Variants in BCS1L observed in about 807,000 individuals in gnomAD.
The protein encoded by BCS1L is BCS1 ubiquinol-cytochrome c reductase complex chaperone, also known as mitochondrial chaperone BCS1.
BCS1L carries 38 observed loss-of-function variants against 49.3 expected under a neutral mutation model. The ratio of observed to expected loss-of-function variants is 0.77; its 90% CI spans 0.59 to 1.01. The LOEUF is 1.01. BCS1L is among the 50% of genes least tolerant of loss of function. The pLI is 0.00. For synonymous variants in BCS1L, 193 were observed against 210.1 expected, an observed-to-expected ratio of 0.92 and a Z score of 0.70; for missense variants, 394 against 540.2, an observed-to-expected ratio of 0.73 and a Z score of 2.68.
In BCS1L at chr2:218,662,716, CTG is replaced by C. The variant is rs1358539011; in HGVS notation, c.889+40_889+41del. ...GTTCTGGAGGAAGTGGAGTGGGTAA[CTG>C]TGGAACAGGGGAAGAAAGCAGAAAT... On this transcript the variant is annotated intron_variant, in intron 6 of 7. Transcript: ENST00000359273. This position sits in a 1 kb window ranked among gnomAD's most constrained non-coding sequence, Gnocchi z 5.8. 1.2e-6 allele frequency: 2 copies of C among 1,613,782 alleles called. No individual in the cohort carries two copies. The highest frequency in any genetic ancestry group is 1.1e-5 in the South Asian group (1 of 91,038).
At chr2:218,663,113 G>C (rs1202959175) in intron 7 of BCS1L, 21 bp from the exon 8 acceptor site, 2 of 1,614,106 alleles carry the variant, frequency 1.2e-6, no homozygotes, top group Non-Finnish European at 1.7e-6. Context: ...AGTGTGACCT[G>C]CTTTCCCTGT....
intron 7 of BCS1L, 64 bp downstream of exon 7, chr2:218,663,064 G>A (rs912520138): frequency 2.5e-6 from 4 of 1,613,962 alleles, no homozygotes; most frequent in Admixed American, 3.3e-5. Context: ...AGTGCCTTGG[G>A]AGGAACAGGA....
intron 1 of BCS1L, 181 bp from the exon 2 acceptor site, chr2:218,660,758 G>A (rs994500662): frequency 3.5e-6 from 2 of 568,232 alleles, no homozygotes; most frequent in Non-Finnish European, 6.3e-6. Context: ...GGTATGAGTA[G>A]ACTAATGAAG....
rs1000259331 is a variant in BCS1L, at chr2:218,662,588, C to G, written c.798C>G (p.Leu266=). The part of the protein sequence containing the change: ...LTDSSLSDDR[L]NHLLSVAPQQ... ...ACTCCAGCCTCTCTGATGACCGACT[C>G]AACCACCTGCTGAGCGTGGCCCCGC... Residue 266 remains leucine, a synonymous_variant, in exon 6 of 8, where the codon CTC becomes CTG. Coordinates refer to ENST00000359273, the MANE Select transcript of BCS1L (RefSeq NM_001079866.2). The surrounding 1 kb of genome is among the most constrained non-coding windows in gnomAD (Gnocchi z 5.8). The G allele has an allele frequency of 8.7e-6, 14 of 1,614,118 alleles. No homozygotes were observed. The African/African-American group carries it at 1.9e-4, about 22-fold the overall frequency.
At position 218,662,326 on chromosome 2, in the gene BCS1L, G is replaced by A; in HGVS notation, c.719+66G>A. 6 of 1,536,988 alleles carry A rather than the reference G, an allele frequency of 3.9e-6. No individual in the cohort carries two copies. Among genetic ancestry groups the A allele is most frequent in the Non-Finnish European group, 5.4e-6 (6 of 1,110,438 alleles). ...CTTTGTGGAAACACTAGGCTGATAGGGTTGGAAGGGGAAATGAATCTGGGG... is the reference window on the plus strand; with the variant it reads ...CTTTGTGGAAACACTAGGCTGATAGAGTTGGAAGGGGAAATGAATCTGGGG... On this transcript the variant is annotated intron_variant, in intron 5 of 7. Transcript: ENST00000359273. The surrounding 1 kb of genome is among the most constrained non-coding windows in gnomAD (Gnocchi z 5.8).
At position 218,661,435 on chromosome 2, in the gene BCS1L, G is replaced by C. The variant is rs746640681; in HGVS notation, c.350G>C (p.Arg117Pro). ...CGGGGGAAATGGATTCGGGTAGAAC[G>C]AAGTCGAGAGATGCAGATGATAGAC... is the stretch of plus-strand genomic sequence containing the variant. ...WYRGKWIRVE[R>P]SREMQMIDLQ... is the part of the protein sequence containing the mutation. Residue 117 changes from arginine (R) to proline (P), a missense_variant, in exon 3 of 8, where the codon CGA (arginine) becomes CCA (proline). By Grantham distance (103) the Arg-to-Pro change is moderately radical. Transcript: ENST00000359273. This position sits in a 1 kb window ranked among gnomAD's most constrained non-coding sequence, Gnocchi z 5.9. The C allele has an allele frequency of 6.2e-7, 1 of 1,614,204 alleles. No homozygotes were observed. Among genetic ancestry groups the C allele is most frequent in the Non-Finnish European group, 8.5e-7 (1 of 1,180,036 alleles).
upstream of BCS1L, chr2:218,659,030 T>TCCTATC (rs1938968729): frequency 6.6e-6 from 1 of 152,242 alleles, no homozygotes; most frequent in African/African-American, 2.4e-5. This position sits in a 1 kb window ranked among gnomAD's most constrained non-coding sequence, Gnocchi z 4.4. Context: ...GCCTCAGCTT[T>TCCTATC]CCTATCTGTA....
Position 218,663,215 on chromosome 2 carries a change from G to C in BCS1L, c.1089G>C (p.Gln363His). 6.2e-7 allele frequency: 1 copy of C among 1,614,244 alleles called. No homozygotes were observed. Among genetic ancestry groups the C allele is most frequent in the Non-Finnish European group, 8.5e-7 (1 of 1,180,038 alleles). The change falls in exon 8 of 8, where the codon CAG (glutamine) becomes CAC (histidine). Residue 363 changes from glutamine (Q) to histidine (H), a missense_variant. By Grantham distance (24) the Gln-to-His change is conservative (BLOSUM62 0). Coordinates refer to ENST00000359273, the MANE Select transcript of BCS1L (RefSeq NM_001079866.2). ...VGYCSHWQLTQMFQRFYPGQA... is the reference protein window; with the variant it reads ...VGYCSHWQLTHMFQRFYPGQA... ...ACTGCTCACACTGGCAGCTGACCCAGATGTTCCAGAGGTTCTATCCAGGGC... is the reference window on the plus strand; with the variant it reads ...ACTGCTCACACTGGCAGCTGACCCACATGTTCCAGAGGTTCTATCCAGGGC...
Position 218,663,392 on chromosome 2 carries a change from C to G in BCS1L, c.*6C>G, listed in dbSNP as rs2106333224. On this transcript the variant is annotated 3_prime_UTR_variant, in exon 8 of 8. Coordinates refer to ENST00000359273, the MANE Select transcript of BCS1L (RefSeq NM_001079866.2). ...CTGAGTCTCTGAGGAGGTGATCAGG[C>G]TGGGCTCAGCTCAGCTCTCCTCCTC... is the stretch of plus-strand genomic sequence containing the variant. The G allele has an allele frequency of 6.2e-7, 1 of 1,613,936 alleles. No individual in the cohort carries two copies. The highest frequency in any genetic ancestry group is 2.2e-5 in the East Asian group (1 of 44,888).
Position 218,662,535 on chromosome 2 carries a change from C to T in BCS1L, c.745C>T (p.His249Tyr), listed in dbSNP as rs1412811931. ...CACAGCCCTGGCTGGGGAACTGGAG[C>T]ACAGCATCTGCCTGCTGAGCCTCAC... The part of the protein sequence containing the change: ...FITALAGELE[H>Y]SICLLSLTDS... Residue 249 changes from histidine (H) to tyrosine (Y), a missense_variant, in exon 6 of 8, where the codon CAC becomes TAC. Coordinates refer to ENST00000359273, the MANE Select transcript of BCS1L (RefSeq NM_001079866.2). This position sits in a 1 kb window ranked among gnomAD's most constrained non-coding sequence, Gnocchi z 5.8. 6.2e-7 allele frequency: 1 copy of T among 1,614,012 alleles called. No individual in the cohort carries two copies. The highest frequency in any genetic ancestry group is 8.5e-7 in the Non-Finnish European group (1 of 1,180,048).
intron 1 of BCS1L, 121 bp from the exon 2 acceptor site, chr2:218,660,818 C>A: frequency 1.5e-6 from 1 of 688,258 alleles, no homozygotes; most frequent in Non-Finnish European, 2.4e-6. Context: ...ATTCCAATAC[C>A]ACCCTTACCC....
In BCS1L at chr2:218,662,074, G is replaced by GA. The variant is rs1399447743; in HGVS notation, c.656-119dup. 5 of 1,492,732 alleles carry GA rather than the reference G, an allele frequency of 3.3e-6. No individual in the cohort carries two copies. The Admixed American group carries it at 5.0e-5, about 15-fold the overall frequency. 92.5% of individuals were successfully genotyped at this position (1,492,732 alleles called of 1,614,324 possible). A position where few individuals can be genotyped will look rare whatever the true frequency, so the allele number is the denominator to read the frequency against. ...CCAATTCCCAGAGATTAAGAGGAAT[G>GA]AAAAGTTGTGTATGAGAATGATTTA... On this transcript the variant is annotated intron_variant, in intron 4 of 7. Transcript: ENST00000359273. The surrounding 1 kb of genome is among the most constrained non-coding windows in gnomAD (Gnocchi z 5.8).
rs747464950 is a variant in BCS1L at position 218,662,150 on chromosome 2, G to A, written c.656-47G>A. ...CCAGGGGGCAGGGCTGGGAATGAAC[G>A]TAGATATCCGGGGCAAAAGACATGA... On this transcript the variant is annotated intron_variant, in intron 4 of 7. Transcript: ENST00000359273. This position sits in a 1 kb window ranked among gnomAD's most constrained non-coding sequence, Gnocchi z 5.8. 1.1e-5 allele frequency: 17 copies of A among 1,587,994 alleles called. No homozygotes were observed. Among genetic ancestry groups the A allele is most frequent in the Admixed American group, 1.0e-4 (6 of 59,950 alleles).
chr2:218,661,958 G>C lies in BCS1L; in HGVS notation c.655+5G>C. The C allele has an allele frequency of 6.2e-7, 1 of 1,613,910 alleles. No homozygotes were observed. Among genetic ancestry groups the C allele is most frequent in the Non-Finnish European group, 8.5e-7 (1 of 1,179,920 alleles). On this transcript the variant is annotated splice_donor_5th_base_variant and intron_variant, in intron 4 of 7. Coordinates refer to ENST00000359273, the MANE Select transcript of BCS1L (RefSeq NM_001079866.2). The surrounding 1 kb of genome is among the most constrained non-coding windows in gnomAD (Gnocchi z 5.9). ...CCAAGTGGTACACTGACAGAGGTGA[G>C]AAGCAGCTGGGGTCTTGGCTGTGCT...
At position 218,662,727 on chromosome 2, in the gene BCS1L, G is replaced by C; in HGVS notation, c.889+48G>C. ...AGTGGAGTGGGTAACTGTGGAACAG[G>C]GGAAGAAAGCAGAAATCCAGAGGGC... On this transcript the variant is annotated intron_variant, in intron 6 of 7. Coordinates refer to ENST00000359273, the MANE Select transcript of BCS1L (RefSeq NM_001079866.2). The surrounding 1 kb of genome is among the most constrained non-coding windows in gnomAD (Gnocchi z 5.8). 1 of 1,613,552 alleles carries C rather than the reference G, an allele frequency of 6.2e-7. No homozygotes were observed.
At position 218,661,335 on chromosome 2, in the gene BCS1L, G is replaced by A. The variant is rs2106323044; in HGVS notation, c.320+28G>A. 1.2e-6 allele frequency: 2 copies of A among 1,614,222 alleles called. No individual in the cohort carries two copies. Among genetic ancestry groups the A allele is most frequent in the Non-Finnish European group, 1.7e-6 (2 of 1,180,024 alleles). Reference sequence around the variant, plus strand: ...AAGGTGGGGAGCTAGGGAGGGCTGTGAGAGTAGAAAAGAATGATGGGAGCT... The same window carrying A: ...AAGGTGGGGAGCTAGGGAGGGCTGTAAGAGTAGAAAAGAATGATGGGAGCT... On this transcript the variant is annotated intron_variant, in intron 2 of 7. Coordinates refer to ENST00000359273, the MANE Select transcript of BCS1L (RefSeq NM_001079866.2). The surrounding 1 kb of genome is among the most constrained non-coding windows in gnomAD (Gnocchi z 5.9).
Position 218,661,296 on chromosome 2 carries a change from C to T in BCS1L, c.309C>T (p.Asn103=), listed in dbSNP as rs376836925. 9 of 1,614,172 alleles carry T rather than the reference C, an allele frequency of 5.6e-6. No individual in the cohort carries two copies. Among genetic ancestry groups the T allele is most frequent in the Non-Finnish European group, 7.6e-6 (9 of 1,180,044 alleles). ...TTGAATTTGTCCCCAGCCCTGGAAA[C>T]CATTTTATCTGGTAAGGTGGGGAGC... ...TKFEFVPSPG[N]HFIWYRGKWI... Residue 103 remains asparagine (N), a synonymous_variant, in exon 2 of 8, where the codon AAC becomes AAT. Coordinates refer to ENST00000359273, the MANE Select transcript of BCS1L (RefSeq NM_001079866.2). The surrounding 1 kb of genome is among the most constrained non-coding windows in gnomAD (Gnocchi z 5.9).
chr2:218,660,406 T>TGGTCGCCGTA, intron 1 of BCS1L: 1 of 159,330 alleles, frequency 6.3e-6, no homozygotes, highest in Non-Finnish European at 1.4e-5. Flanking sequence ...TGTGTAGATG[T>TGGTCGCCGTA]TCCGTGAAGC....
rs1168607396 is a variant in BCS1L, at chr2:218,661,197, C to T, written c.210C>T (p.His70=). 2.5e-6 allele frequency: 4 copies of T among 1,614,240 alleles called. No individual in the cohort carries two copies. The highest frequency in any genetic ancestry group is 1.1e-5 in the South Asian group (1 of 91,084). The part of the protein sequence containing the change: ...YAWLLSWLTR[H]STRTQHLSVE... ...GGTTGCTTAGCTGGCTCACCCGCCA[C>T]AGTACCCGTACTCAGCACCTCAGTG... is the stretch of plus-strand genomic sequence containing the variant. The change falls in exon 2 of 8, where the codon CAC becomes CAT. Residue 70 remains histidine, a synonymous_variant. Coordinates refer to ENST00000359273, the MANE Select transcript of BCS1L (RefSeq NM_001079866.2). The surrounding 1 kb of genome is among the most constrained non-coding windows in gnomAD (Gnocchi z 5.9).
Sources: gnomAD v4.1 joint callset for allele counts on GRCh38, gnomAD v4.1.1 for gene constraint, Gnocchi (gnomAD v3.1) non-coding constraint, MANE v1.5 for transcripts, NCBI Gene and HGNC (gene_info 2026-07-23, HGNC 2026-07-21) for gene names.